KCNJ3: variants seen among roughly 807,000 people sequenced by gnomAD.
KCNJ3 encodes potassium inwardly rectifying channel subfamily J member 3, also known as G protein-activated inward rectifier potassium channel 1.
Under a neutral mutation model 39.2 loss-of-function variants are expected in KCNJ3, and 4 were observed. The ratio of observed to expected loss-of-function variants is 0.10; its 90% CI spans 0.05 to 0.23. The LOEUF is 0.23. Ranked by LOEUF, KCNJ3 falls within the 10% of genes least tolerant of loss-of-function variation. KCNJ3 has a pLI of 1.00. For synonymous variants in KCNJ3, 230 were observed against 237.4 expected, an observed-to-expected ratio of 0.97 and a Z score of 0.29; for missense variants, 276 against 634.9, an observed-to-expected ratio of 0.43 and a Z score of 6.08.
chr2:154,841,706 TC>T (rs1415119841), intron 2 of KCNJ3, among the ~76,000 whole-genome samples: 1 of 152,160 alleles, frequency 6.6e-6, no homozygotes, highest in African/African-American at 2.4e-5. Context: ...TTCTAGATTT[TC>T]TAGTTTTTTT....
At chr2:154,784,147 T>C (rs983028486) in intron 2 of KCNJ3, among the ~76,000 whole-genome samples, 1 of 152,234 alleles carries the variant, frequency 6.6e-6, no homozygotes, top group African/African-American at 2.4e-5. Flanking sequence ...TTGATAATGT[T>C]AACTCAAAGA....
In KCNJ3 at chr2:154,699,526, C is replaced by T. The variant is rs768794518; in HGVS notation, c.702+49C>T. On this transcript the variant is annotated intron_variant, in intron 1 of 2. Transcript: ENST00000295101. This position sits in a 1 kb window ranked among gnomAD's most constrained non-coding sequence, Gnocchi z 6.4. ...CACCGGGAGACCTGCGTCCCCCAAA[C>T]CCGCGGAGTAACTCGTCTGAGAACC... The T allele has an allele frequency of 1.3e-6, 2 of 1,507,594 alleles. No homozygotes were observed. The highest frequency in any genetic ancestry group is 2.5e-5 in the South Asian group (2 of 79,130). The allele number at this position is 1,507,594 out of a possible 1,614,324, so 93.4% of individuals were successfully genotyped here.
At chr2:154,747,366 T>C (rs1685766210) in intron 2 of KCNJ3, among the ~76,000 whole-genome samples, 1 of 152,034 alleles carries the variant, frequency 6.6e-6, no homozygotes, top group Non-Finnish European at 1.5e-5. Flanking sequence ...TTGAAAAGGT[T>C]TAATTAACAT....
intron 2 of KCNJ3, among the ~76,000 whole-genome samples, chr2:154,765,183 A>G (rs1686111636): frequency 6.6e-6 from 1 of 152,130 alleles, no homozygotes; most frequent in South Asian, 2.1e-4. Context: ...AAATTTGCCA[A>G]ATGTCCCATG....
chr2:154,760,450 C>G (rs773759150), intron 2 of KCNJ3, among the ~76,000 whole-genome samples: 1 of 151,986 alleles, frequency 6.6e-6, no homozygotes, highest in Non-Finnish European at 1.5e-5. Flanking sequence ...ATTTATTGGT[C>G]TCTTCCTTTA....
chr2:154,767,196 A>T (rs180877006), intron 2 of KCNJ3, among the ~76,000 whole-genome samples: 287 of 126,992 alleles, frequency 2.3e-3, no homozygotes, highest in African/African-American at 9.1e-3. Flanking sequence ...CTTTTTTTTT[A>T]AAATTATACT....
At chr2:154,710,831 C>A (rs1365013199) in intron 2 of KCNJ3, among the ~76,000 whole-genome samples, 2 of 152,130 alleles carry the variant, frequency 1.3e-5, no homozygotes, top group Non-Finnish European at 2.9e-5. Flanking sequence ...GGTGGAAGAT[C>A]CTCAATTATG....
chr2:154,780,982 C>T lies in KCNJ3; in HGVS notation c.919+71163C>T, dbSNP rs114125758. 9.3e-3 allele frequency among the ~76,000 whole-genome samples: 1,414 copies of T among 152,258 alleles called. 23 individuals are homozygous for T. The highest frequency in any genetic ancestry group is 0.032 in the African/African-American group (1,331 of 41,550). ...TAGCTGACTATAAAAGAAGATTATT[C>T]TGAATTATCTTGGAAAGGGCTTTCA... On this transcript the variant is annotated intron_variant, in intron 2 of 2. Transcript: ENST00000295101.
Position 154,840,740 on chromosome 2 carries a change from T to A in KCNJ3, c.920-13987T>A, listed in dbSNP as rs1033018661. Among the ~76,000 whole-genome samples the A allele has an allele frequency of 4.6e-5, 7 of 152,294 alleles. No individual in the cohort carries two copies. The South Asian group carries it at 1.4e-3, about 32-fold the overall frequency. ...TCATGATTTGGCTTTGTTGGTCTGTTATTAGTGTATAGAAATGCTTGTGAT... is the reference window on the plus strand; with the variant it reads ...TCATGATTTGGCTTTGTTGGTCTGTAATTAGTGTATAGAAATGCTTGTGAT... On this transcript the variant is annotated intron_variant, in intron 2 of 2. Transcript: ENST00000295101.
intron 2 of KCNJ3, among the ~76,000 whole-genome samples, chr2:154,815,184 T>C (rs954290032): frequency 4.6e-5 from 7 of 152,328 alleles, no homozygotes; most frequent in African/African-American, 1.7e-4. Flanking sequence ...ATTATTTTTT[T>C]CTGTATCTTT....
At chr2:154,732,674 A>G (rs1685466483) in intron 2 of KCNJ3, among the ~76,000 whole-genome samples, 1 of 152,094 alleles carries the variant, frequency 6.6e-6, no homozygotes, top group African/African-American at 2.4e-5. Flanking sequence ...GTTTACTCAC[A>G]CCATCTCCAT....
intron 2 of KCNJ3, among the ~76,000 whole-genome samples, chr2:154,786,759 A>C (rs897867732): frequency 5.8e-4 from 89 of 152,230 alleles, no homozygotes; most frequent in Non-Finnish European, 1.8e-4. Flanking sequence ...TAACTGAAAA[A>C]AAATCAAGAA....
intron 2 of KCNJ3, among the ~76,000 whole-genome samples, chr2:154,797,191 C>T (rs1243082367): frequency 6.6e-6 from 1 of 152,024 alleles, no homozygotes; most frequent in Non-Finnish European, 1.5e-5. Context: ...TGTCTGGTGC[C>T]GAAGCATTTT....
chr2:154,797,389 A>C (rs1476290167), intron 2 of KCNJ3, among the ~76,000 whole-genome samples: 1 of 152,196 alleles, frequency 6.6e-6, no homozygotes, highest in Non-Finnish European at 1.5e-5. Context: ...GTAAAACATG[A>C]AATGTCTTCT....
At chr2:154,832,921 C>T (rs549458145) in intron 2 of KCNJ3, among the ~76,000 whole-genome samples, 12 of 152,200 alleles carry the variant, frequency 7.9e-5, no homozygotes, top group Non-Finnish European at 1.6e-4. Flanking sequence ...TTAGGTGACT[C>T]GGCAAAATGT....
At chr2:154,852,370 TG>T (rs1264485478) in intron 2 of KCNJ3, among the ~76,000 whole-genome samples, 6 of 152,166 alleles carry the variant, frequency 3.9e-5, no homozygotes, top group Admixed American at 3.9e-4. Flanking sequence ...CACCGCAGCC[TG>T]GGCGACAGAG....
chr2:154,853,091 T>TA (rs1308276584), intron 2 of KCNJ3, among the ~76,000 whole-genome samples: 1 of 151,322 alleles, frequency 6.6e-6, no homozygotes, highest in African/African-American at 2.4e-5. Flanking sequence ...TCCTTATCTT[T>TA]AAAATAGATG....
intron 2 of KCNJ3, among the ~76,000 whole-genome samples, chr2:154,767,313 T>C (rs1348109542): frequency 3.9e-5 from 6 of 152,190 alleles, no homozygotes; most frequent in Non-Finnish European, 7.4e-5. Context: ...TTAGGTATAT[T>C]GCCTAATGCC....
chr2:154,844,500 T>C (rs1224726021), intron 2 of KCNJ3, among the ~76,000 whole-genome samples: 1 of 152,220 alleles, frequency 6.6e-6, no homozygotes, highest in Non-Finnish European at 1.5e-5. Flanking sequence ...ACAGGGACGT[T>C]TAAATCTGCA....
Sources: gnomAD v4.1 joint callset for allele counts (sites outside exome capture counted in the v4.1 genomes callset) on GRCh38, gnomAD v4.1.1 for gene constraint, Gnocchi (gnomAD v3.1) non-coding constraint, MANE v1.5 for transcripts, NCBI Gene and HGNC (gene_info 2026-07-23, HGNC 2026-07-21) for gene names.